Variants in BTNL9 observed in about 807,000 individuals in gnomAD.
The protein encoded by BTNL9 is butyrophilin like 9.
BTNL9 carries 45 observed loss-of-function variants against 45.8 expected under a neutral mutation model. That is an observed-to-expected ratio of 0.98 (90% CI 0.77 to 1.26). The LOEUF (loss-of-function observed/expected upper bound fraction) is 1.26, where lower values mean the gene tolerates loss of function less well. BTNL9 is among the 50% of genes most tolerant of loss of function. The pLI is 0.00. For synonymous variants in BTNL9, 346 were observed against 330.8 expected, an observed-to-expected ratio of 1.05 and a Z score of -0.50; for missense variants, 784 against 729.7, an observed-to-expected ratio of 1.07 and a Z score of -0.86.
In BTNL9 at chr5:181,050,009, ATGCTGAACAG is replaced by A; in HGVS notation, c.455-76_455-67del. ...TCATGATGCTTTATGGTGACTGCAA[ATGCTGAACAG>A]TGGCAGGAATGTTATGCGTGATTTC... On this transcript the variant is annotated intron_variant, in intron 3 of 10. Transcript: ENST00000327705. This position sits in a 1 kb window ranked among gnomAD's most constrained non-coding sequence, Gnocchi z 4.9. 6.6e-7 allele frequency: 1 copy of A among 1,518,136 alleles called. No individual in the cohort carries two copies. The highest frequency in any genetic ancestry group is 2.3e-5 in the East Asian group (1 of 44,198). 94.0% of individuals were successfully genotyped at this position (1,518,136 alleles called of 1,614,324 possible). A position where few individuals can be genotyped will look rare whatever the true frequency, so the allele number is the denominator to read the frequency against.
chr5:181,049,952 A>AAT, intron 3 of BTNL9, 136 bp from the exon 4 acceptor site: 1 of 1,157,620 alleles, frequency 8.6e-7, no homozygotes, highest in Non-Finnish European at 1.2e-6. Flanking sequence ...GGGGAGCGCC[A>AAT]AGCCCACACA....
At chr5:181,044,823 A>G (rs4078420) in intron 1 of BTNL9, among the ~76,000 whole-genome samples, 82,484 of 151,770 alleles carry the variant, frequency 0.54, 22,839 homozygotes, top group African/African-American at 0.63. Context: ...CCATCACTGT[A>G]GCCCCGAAGA....
In BTNL9 at chr5:181,052,299, G is replaced by A. The variant is rs532945356; in HGVS notation, c.737-901G>A. Among the ~76,000 whole-genome samples, 4 of 152,264 alleles carry A rather than the reference G, an allele frequency of 2.6e-5. 1 individual carries two copies. The highest frequency in any genetic ancestry group is 9.6e-5 in the African/African-American group (4 of 41,548). ...AAGTCCACAGGGATGGAGAGTATAC[G>A]GAGGGCGCCAGGGGCTTGGGCGTGG... On this transcript the variant is annotated intron_variant, in intron 4 of 10. Coordinates refer to ENST00000327705, the MANE Select transcript of BTNL9 (RefSeq NM_152547.5).
rs549581985 is a variant in BTNL9, at chr5:181,041,732, A to C, written c.-24+1300A>C. On this transcript the variant is annotated intron_variant, in intron 1 of 10. Transcript: ENST00000327705. ...CTTAAATTATGGTTTTCCTGTAATA[A>C]GAATGATTTATATTTTTAGTGAAAA... 1.6e-4 allele frequency among the ~76,000 whole-genome samples: 24 copies of C among 152,370 alleles called. No homozygotes were observed. The South Asian group carries it at 5.0e-3, about 32-fold the overall frequency.
At chr5:181,045,674 T>C in intron 2 of BTNL9, 76 bp downstream of exon 2, 1 of 1,182,668 alleles carries the variant, frequency 8.5e-7, no homozygotes, top group Non-Finnish European at 1.3e-6. Context: ...GGCTACGATC[T>C]TAGCACAGTA....
chr5:181,054,273 G>A lies in BTNL9; in HGVS notation c.907+14G>A. The A allele has an allele frequency of 1.9e-6, 3 of 1,610,140 alleles. No homozygotes were observed. Among genetic ancestry groups the A allele is most frequent in the Non-Finnish European group, 8.5e-7 (1 of 1,179,636 alleles). On this transcript the variant is annotated intron_variant, in intron 7 of 10. Transcript: ENST00000327705. ...CTGCAGAGCTGGGTAAGTTCTGGGTGCGGGGCCACAGTGCTGCCTGTCAGC... is the reference window on the plus strand; with the variant it reads ...CTGCAGAGCTGGGTAAGTTCTGGGTACGGGGCCACAGTGCTGCCTGTCAGC...
rs1213334107 is a variant in BTNL9, at chr5:181,059,493, G to C, written c.1239G>C (p.Leu413=). The change falls in exon 11 of 11, where the codon CTG becomes CTC. Residue 413 remains leucine, a synonymous_variant. Coordinates refer to ENST00000327705, the MANE Select transcript of BTNL9 (RefSeq NM_152547.5). ...TGCCGCGCGCGGGGCCTGCGCGCCT[G>C]AGCCCTGCGGCCGGCTACTGGGTGC... ...AAVPRAGPAR[L]SPAAGYWVLG... 1 of 1,555,338 alleles carries C rather than the reference G, an allele frequency of 6.4e-7. No homozygotes were observed. Among genetic ancestry groups the C allele is most frequent in the African/African-American group, 1.4e-5 (1 of 72,998 alleles).
chr5:181,048,912 A>ATTATATTTTT, intron 3 of BTNL9, among the ~76,000 whole-genome samples: 1 of 75,838 alleles, frequency 1.3e-5, no homozygotes, highest in South Asian at 5.4e-4. Context: ...AATATATATA[A>ATTATATTTTT]TATAAAAATA....
chr5:181,054,094 C>T, intron 6 of BTNL9, 145 bp from the exon 7 acceptor site: 1 of 1,551,878 alleles, frequency 6.4e-7, no homozygotes. Context: ...CACTTCCAGC[C>T]CAGCCTGGGC....
intron 1 of BTNL9, among the ~76,000 whole-genome samples, chr5:181,044,951 A>G (rs182519707): frequency 2.2e-4 from 33 of 152,300 alleles, no homozygotes; most frequent in East Asian, 1.9e-4. Context: ...ACCTGCATGC[A>G]CTCCACTTCT....
intron 10 of BTNL9, among the ~76,000 whole-genome samples, 198 bp downstream of exon 10, chr5:181,058,576 G>A (rs781703873): frequency 7.9e-5 from 12 of 152,164 alleles, no homozygotes; most frequent in Middle Eastern, 3.4e-3. Flanking sequence ...ACATGCACAC[G>A]TGAGCTCCCA....
chr5:181,044,375 G>A (rs1467370575), intron 1 of BTNL9, among the ~76,000 whole-genome samples: 1 of 152,224 alleles, frequency 6.6e-6, no homozygotes, highest in Non-Finnish European at 1.5e-5. Context: ...CGGGGAGACA[G>A]AGAGGGTTGG....
intron 1 of BTNL9, among the ~76,000 whole-genome samples, chr5:181,041,050 A>C (rs1277045590): frequency 6.6e-6 from 1 of 152,250 alleles, no homozygotes. Context: ...AGCAAAAAAT[A>C]CTTCCTGTGT....
At position 181,054,093 on chromosome 5, in the gene BTNL9, C is replaced by T. The variant is rs111574050; in HGVS notation, c.887-146C>T. On this transcript the variant is annotated intron_variant, in intron 6 of 10. Transcript: ENST00000327705. ...CCCCTGCCTGGAGCCTCACTTCCAG[C>T]CCAGCCTGGGCCCGCAGACCACCGC... 545 of 1,551,654 alleles carry T rather than the reference C, an allele frequency of 3.5e-4. 3 individuals are homozygous for T. In the African/African-American group the frequency reaches 6.0e-3, roughly 17 times the overall value.
chr5:181,042,861 G>T lies in BTNL9; in HGVS notation c.-24+2429G>T, dbSNP rs889261405. Among the ~76,000 whole-genome samples the T allele has an allele frequency of 6.6e-6, 1 of 152,148 alleles. No individual in the cohort carries two copies. Among genetic ancestry groups the T allele is most frequent in the African/African-American group, 2.4e-5 (1 of 41,424 alleles). On this transcript the variant is annotated intron_variant, in intron 1 of 10. Coordinates refer to ENST00000327705, the MANE Select transcript of BTNL9 (RefSeq NM_152547.5). This position sits in a 1 kb window ranked among gnomAD's most constrained non-coding sequence, Gnocchi z 4.5. ...GGTTAGGGTGAGTGTTTGGTCTGTG[G>T]CCAGCTGGTTCCTGAGACGGTCATG...
At chr5:181,051,787 A>G (rs150363003) in intron 4 of BTNL9, among the ~76,000 whole-genome samples, 3 of 152,280 alleles carry the variant, frequency 2.0e-5, no homozygotes, top group East Asian at 1.9e-4. Context: ...GAAAAACCCA[A>G]TATTTTCTTT....
Position 181,056,033 on chromosome 5 carries a change from C to T in BTNL9, c.955+18C>T. The T allele has an allele frequency of 6.2e-7, 1 of 1,613,806 alleles. No homozygotes were observed. Among genetic ancestry groups the T allele is most frequent in the Non-Finnish European group, 8.5e-7 (1 of 1,179,820 alleles). On this transcript the variant is annotated intron_variant, in intron 9 of 10. Coordinates refer to ENST00000327705, the MANE Select transcript of BTNL9 (RefSeq NM_152547.5). The stretch of plus-strand genomic sequence containing the variant: ...CCAGGCTGGTGAGTGGAACCCATCT[C>T]TCTCTGACTCCTCCTCATTTATATC...
Position 181,059,769 on chromosome 5 carries a change from G to A in BTNL9, c.1515G>A (p.Leu505=). 6.2e-7 allele frequency: 1 copy of A among 1,611,014 alleles called. No homozygotes were observed. Among genetic ancestry groups the A allele is most frequent in the Non-Finnish European group, 8.5e-7 (1 of 1,179,732 alleles). Residue 505 remains leucine (L), a synonymous_variant, in exon 11 of 11, where the codon CTG becomes CTA. Coordinates refer to ENST00000327705, the MANE Select transcript of BTNL9 (RefSeq NM_152547.5). The part of the protein sequence containing the change: ...EHPDPLTICP[L]PVRGTGVPEE... Reference sequence around the variant, plus strand: ...CGGATCCCCTGACCATCTGCCCGCTGCCGGTTAGAGGGACGGGCGTCCCCG... The same window carrying A: ...CGGATCCCCTGACCATCTGCCCGCTACCGGTTAGAGGGACGGGCGTCCCCG...
At position 181,042,337 on chromosome 5, in the gene BTNL9, C is replaced by T. The variant is rs1339818785; in HGVS notation, c.-24+1905C>T. Among the ~76,000 whole-genome samples, 2 of 152,026 alleles carry T rather than the reference C, an allele frequency of 1.3e-5. No individual in the cohort carries two copies. Among genetic ancestry groups the T allele is most frequent in the East Asian group, 1.9e-4 (1 of 5,186 alleles). On this transcript the variant is annotated intron_variant, in intron 1 of 10. Transcript: ENST00000327705. The surrounding 1 kb of genome is among the most constrained non-coding windows in gnomAD (Gnocchi z 4.5). ...TTTTCCTTCTTCCCCAAATATCCGA[C>T]GCGTCCAGTCCCTTACTCCTTCCCC...
Sources: gnomAD v4.1 joint callset for allele counts (sites outside exome capture counted in the v4.1 genomes callset) on GRCh38, gnomAD v4.1.1 for gene constraint, Gnocchi (gnomAD v3.1) non-coding constraint, MANE v1.5 for transcripts, NCBI Gene and HGNC (gene_info 2026-07-23, HGNC 2026-07-21) for gene names.